GPHN: variants seen among roughly 807,000 people sequenced by gnomAD.
GPHN encodes the protein gephyrin.
Under a neutral mutation model 95.5 loss-of-function variants are expected in GPHN, and 17 were observed. The ratio of observed to expected loss-of-function variants is 0.18; its 90% CI spans 0.12 to 0.27. The LOEUF (loss-of-function observed/expected upper bound fraction) is 0.27, where lower values mean the gene tolerates loss of function less well. Among genes scored for constraint, GPHN ranks in the 10% least tolerant of loss-of-function variants. The pLI is 1.00. For missense variants in GPHN, 660 were observed against 978.1 expected (o/e 0.67, Z 4.34); for synonymous variants, 320 against 322.5 (o/e 0.99, Z 0.08).
At chr14:67,536,244 C>T in the GPHN span, among the ~76,000 whole-genome samples, 1 of 151,824 alleles carries the variant, frequency 6.6e-6, no homozygotes, top group Admixed American at 6.5e-5. Context: ...ATGTTGTTAG[C>T]TTGATCAGAT....
At chr14:67,561,778 G>A in the GPHN span, among the ~76,000 whole-genome samples, 3 of 151,636 alleles carry the variant, frequency 2.0e-5, no homozygotes, top group African/African-American at 7.3e-5. Flanking sequence ...GCTGAGGTGG[G>A]AGGATCAGTT....
At chr14:66,753,517 A>T (rs910150610) in intron 2 of GPHN, among the ~76,000 whole-genome samples, 3 of 152,160 alleles carry the variant, frequency 2.0e-5, no homozygotes, top group Admixed American at 6.6e-5. Context: ...TGCCAAAAAA[A>T]AAAAATTTTA....
At chr14:67,643,583 G>GGAGGCCAAGGTGGGAGGATTGCTT in the GPHN span, among the ~76,000 whole-genome samples, 1 of 152,230 alleles carries the variant, frequency 6.6e-6, no homozygotes, top group Non-Finnish European at 1.5e-5. Context: ...CAGCTACTCA[G>GGAGGCCAAGGTGGGAGGATTGCTT]GAGGCCAAGG....
the GPHN span, among the ~76,000 whole-genome samples, chr14:67,486,696 C>T: frequency 1.3e-5 from 2 of 152,164 alleles, no homozygotes; most frequent in South Asian, 2.1e-4. Flanking sequence ...TCCCCAGACA[C>T]GTGGAATTAA....
At chr14:66,734,490 G>A (rs1474987751) in intron 2 of GPHN, among the ~76,000 whole-genome samples, 2 of 151,974 alleles carry the variant, frequency 1.3e-5, no homozygotes, top group Admixed American at 1.3e-4. Context: ...CTTCAGATAG[G>A]CCTTCTCCAA....
At chr14:67,679,457 G>A in the GPHN span, among the ~76,000 whole-genome samples, 1 of 149,052 alleles carries the variant, frequency 6.7e-6, no homozygotes, top group African/African-American at 2.5e-5. Flanking sequence ...AGGCTGGAGT[G>A]CAGTGATGCG....
At chr14:66,616,818 C>A (rs574778084) in intron 1 of GPHN, among the ~76,000 whole-genome samples, 8 of 152,156 alleles carry the variant, frequency 5.3e-5, no homozygotes, top group Non-Finnish European at 7.3e-5. Context: ...AGCAATTCTT[C>A]TGCCGCAGTC....
the GPHN span, among the ~76,000 whole-genome samples, chr14:67,274,753 A>T: frequency 6.6e-6 from 1 of 152,192 alleles, no homozygotes; most frequent in Non-Finnish European, 1.5e-5. Flanking sequence ...CCCATCCATG[A>T]GCATGGAATG....
the GPHN span, chr14:67,201,406 C>G: frequency 2.2e-6 from 1 of 455,842 alleles, no homozygotes; most frequent in African/African-American, 2.0e-5. Flanking sequence ...CCCCAATTCT[C>G]TCTTTTTGCT....
chr14:66,526,918 A>G (rs943964290), intron 1 of GPHN, among the ~76,000 whole-genome samples: 1 of 152,086 alleles, frequency 6.6e-6, no homozygotes, highest in African/African-American at 2.4e-5. Context: ...TTCATCAGGG[A>G]TATTGGCCTG....
the GPHN span, among the ~76,000 whole-genome samples, chr14:67,462,850 T>C: frequency 1.3e-5 from 2 of 152,184 alleles, no homozygotes; most frequent in Non-Finnish European, 2.9e-5. Flanking sequence ...AAGTCCATCC[T>C]TGGCCTGGGG....
At chr14:67,178,052 C>T in intron 21 of GPHN, among the ~76,000 whole-genome samples, 1 of 152,112 alleles carries the variant, frequency 6.6e-6, no homozygotes, top group African/African-American at 2.4e-5. Flanking sequence ...GGGCATTTAG[C>T]CCATTTATAT....
the GPHN span, chr14:67,615,654 A>G: frequency 1.9e-6 from 1 of 532,378 alleles, no homozygotes; most frequent in South Asian, 1.7e-5. Context: ...CTAAAGAGAA[A>G]GGACAATTTG....
At chr14:67,439,495 G>T in the GPHN span, among the ~76,000 whole-genome samples, 5 of 152,140 alleles carry the variant, frequency 3.3e-5, no homozygotes, top group Non-Finnish European at 5.9e-5. Flanking sequence ...GCATATTAGA[G>T]CTTGAAAATG....
At chr14:66,941,486 C>T (rs2067424304) in intron 8 of GPHN, among the ~76,000 whole-genome samples, 2 of 152,116 alleles carry the variant, frequency 1.3e-5, no homozygotes, top group African/African-American at 2.4e-5. Flanking sequence ...ATCCTCTCCT[C>T]TTAAGGTCCC....
the GPHN span, among the ~76,000 whole-genome samples, chr14:67,422,354 C>T: frequency 6.6e-6 from 1 of 152,192 alleles, no homozygotes; most frequent in Non-Finnish European, 1.5e-5. Context: ...CCTGACCACC[C>T]TGGTGTCTTC....
chr14:67,589,978 A>G, the GPHN span: 1 of 1,434,428 alleles, frequency 7.0e-7, no homozygotes, highest in Middle Eastern at 2.6e-4. Flanking sequence ...AATGGTTCCT[A>G]GGACTGTGTC....
intron 10 of GPHN, among the ~76,000 whole-genome samples, chr14:67,043,866 G>A (rs558949948): frequency 6.6e-6 from 1 of 152,112 alleles, no homozygotes; most frequent in South Asian, 2.1e-4. Flanking sequence ...GACTTTTTTT[G>A]GTTGGTAGGC....
intron 5 of GPHN, among the ~76,000 whole-genome samples, chr14:66,899,010 A>C (rs2065000046): frequency 6.6e-6 from 1 of 151,640 alleles, no homozygotes; most frequent in Non-Finnish European, 1.5e-5. Flanking sequence ...TTAGGTGTCC[A>C]CCTCATGTTC....
Sources: gnomAD v4.1 joint callset for allele counts (sites outside exome capture counted in the v4.1 genomes callset) on GRCh38, gnomAD v4.1.1 for gene constraint, MANE v1.5 for transcripts, NCBI Gene and HGNC (gene_info 2026-07-23, HGNC 2026-07-21) for gene names.